Variants in HDAC1 observed in about 807,000 individuals in gnomAD.
The protein encoded by HDAC1 is protein deacetylase HDAC1.
HDAC1 carries 18 observed loss-of-function variants against 65.5 expected under a neutral mutation model. The ratio of observed to expected loss-of-function variants is 0.27; its 90% CI spans 0.19 to 0.41. The LOEUF (loss-of-function observed/expected upper bound fraction) is 0.41. Among genes scored for constraint, HDAC1 ranks in the 10% least tolerant of loss-of-function variants. The probability of loss-of-function intolerance (pLI) is 1.00; values close to 1 mark genes in which losing one functional copy is unlikely to be tolerated. For missense variants in HDAC1, 373 were observed against 625.2 expected, an observed-to-expected ratio of 0.60 and a Z score of 4.30; for synonymous variants, 211 against 227.9, an observed-to-expected ratio of 0.93 and a Z score of 0.67.
At chr1:32,315,592 A>G (rs1421628419) in intron 2 of HDAC1, among the ~76,000 whole-genome samples, 1 of 150,740 alleles carries the variant, frequency 6.6e-6, no homozygotes, top group Non-Finnish European at 1.5e-5. Flanking sequence ...ACCTCAGGTG[A>G]TCCACCCGCC....
At chr1:32,318,788 A>G (rs906640508) in intron 3 of HDAC1, among the ~76,000 whole-genome samples, 4 of 152,018 alleles carry the variant, frequency 2.6e-5, no homozygotes, top group East Asian at 1.9e-4. Context: ...TGGTGCGCCA[A>G]TTTTTCCGAA....
At chr1:32,292,930 T>A (rs1478549220) in intron 1 of HDAC1, among the ~76,000 whole-genome samples, 1 of 152,040 alleles carries the variant, frequency 6.6e-6, no homozygotes, top group Non-Finnish European at 1.5e-5. Context: ...GGGGACATCT[T>A]AGTTAGGACC....
At chr1:32,319,074 G>A (rs893656508) in intron 3 of HDAC1, among the ~76,000 whole-genome samples, 4 of 151,904 alleles carry the variant, frequency 2.6e-5, no homozygotes, top group Admixed American at 6.6e-5. Context: ...AGCCAAGATC[G>A]CGCCACTGCA....
rs568561958 is a variant in HDAC1, at chr1:32,303,802, C to T, written c.162+1069C>T. Among the ~76,000 whole-genome samples, 13 of 152,196 alleles carry T rather than the reference C, an allele frequency of 8.5e-5. No homozygotes were observed. In the East Asian group the frequency reaches 1.4e-3, roughly 16 times the overall value. On this transcript the variant is annotated intron_variant, in intron 2 of 13. Transcript: ENST00000373548. The stretch of plus-strand genomic sequence containing the variant: ...ACTTGAGCCTGGGAGGTCAAGGCTG[C>T]GGTGAGCTGTGATTGCACCACTGCA...
intron 13 of HDAC1, 67 bp downstream of exon 13, chr1:32,332,816 C>CT: frequency 7.1e-7 from 1 of 1,399,060 alleles, no homozygotes; most frequent in South Asian, 1.2e-5. Context: ...TCCCACCACT[C>CT]TGAGGAAAGG....
In HDAC1 at chr1:32,292,228, G is replaced by A; in HGVS notation, c.49+10G>A. On this transcript the variant is annotated intron_variant, in intron 1 of 13. Coordinates refer to ENST00000373548, the MANE Select transcript of HDAC1 (RefSeq NM_004964.3). ...TGTTACTACTACGACGGTGAGCACC[G>A]TCCTCGCGGCGGGGGCGGGGCCAGG... 6.5e-7 allele frequency: 1 copy of A among 1,548,586 alleles called. No homozygotes were observed. Among genetic ancestry groups the A allele is most frequent in the Non-Finnish European group, 8.7e-7 (1 of 1,146,262 alleles).
intron 2 of HDAC1, among the ~76,000 whole-genome samples, chr1:32,306,333 T>A (rs1640911464): frequency 6.6e-6 from 1 of 151,984 alleles, no homozygotes; most frequent in Admixed American, 6.6e-5. Flanking sequence ...TAATTTTGTA[T>A]TTTTGGTAGA....
intron 2 of HDAC1, among the ~76,000 whole-genome samples, chr1:32,313,340 C>T (rs968988573): frequency 1.3e-5 from 2 of 151,962 alleles, no homozygotes; most frequent in African/African-American, 2.4e-5. Flanking sequence ...GGTGAGCCAC[C>T]CACCTCGGCC....
At chr1:32,324,210 G>A (rs1325268098) in intron 3 of HDAC1, among the ~76,000 whole-genome samples, 1 of 151,978 alleles carries the variant, frequency 6.6e-6, no homozygotes, top group Admixed American at 6.6e-5. Flanking sequence ...GGAGGTGAGG[G>A]TCAAAGCTGC....
chr1:32,325,133 G>A (rs1182698218), intron 4 of HDAC1, among the ~76,000 whole-genome samples: 8 of 152,164 alleles, frequency 5.3e-5, no homozygotes, highest in African/African-American at 1.7e-4. Context: ...GATGCTGTAC[G>A]TAAAAGCAAT....
Position 32,329,141 on chromosome 1 carries a change from A to T in HDAC1, c.710A>T (p.Tyr237Phe), listed in dbSNP as rs771022207. 2.9e-5 allele frequency: 47 copies of T among 1,610,364 alleles called. No homozygotes were observed. The highest frequency in any genetic ancestry group is 5.5e-5 in the South Asian group (5 of 90,998). ...PLRDGIDDES[Y>F]EAIFKPVMSK... ...CGAGACGGGATTGATGACGAGTCCT[A>T]TGAGGCCATTTTCAAGCCGGTAAGT... Residue 237 changes from tyrosine to phenylalanine, a missense_variant, in exon 7 of 14, where the codon TAT (tyrosine) becomes TTT (phenylalanine). Physicochemically the swap from Tyr to Phe is conservative, Grantham distance 22 (BLOSUM62 3). Coordinates refer to ENST00000373548, the MANE Select transcript of HDAC1 (RefSeq NM_004964.3). The surrounding 1 kb of genome is among the most constrained non-coding windows in gnomAD (Gnocchi z 4.1).
rs71571709 is a variant in HDAC1 at position 32,297,777 on chromosome 1, A to ATTT, written c.50-4816_50-4814dup. On this transcript the variant is annotated intron_variant, in intron 1 of 13. Coordinates refer to ENST00000373548, the MANE Select transcript of HDAC1 (RefSeq NM_004964.3). ...AGGCGCATGACACTACGCCTGGCTA[A>ATTT]TTTTTTTTTTTTTTTTTTTTTTTTT... Among the ~76,000 whole-genome samples, 414 of 72,150 alleles carry ATTT rather than the reference A, an allele frequency of 5.7e-3. 55 individuals are homozygous for ATTT. Among genetic ancestry groups the ATTT allele is most frequent in the African/African-American group, 0.023 (374 of 16,086 alleles). The allele number at this position is 72,150 out of a possible 152,430, so 47.3% of individuals were successfully genotyped here.
intron 4 of HDAC1, among the ~76,000 whole-genome samples, chr1:32,326,208 T>C (rs1039769553): frequency 6.6e-6 from 1 of 151,596 alleles, no homozygotes; most frequent in African/African-American, 2.4e-5. Flanking sequence ...TCACCCAGGC[T>C]GGAGTGCAGT....
Position 32,333,137 on chromosome 1 carries a change from T to G in HDAC1, c.*93T>G. 1.0e-6 allele frequency: 1 copy of G among 1,004,974 alleles called. No homozygotes were observed. Among genetic ancestry groups the G allele is most frequent in the Non-Finnish European group, 1.5e-6 (1 of 686,038 alleles). The allele number at this position is 1,004,974 out of a possible 1,614,324, so 62.3% of individuals were successfully genotyped here. On this transcript the variant is annotated 3_prime_UTR_variant, in exon 14 of 14. Transcript: ENST00000373548. ...TATTTTCTATTTCTCTGTGTATTTATATAAAAATTTATTAAATATAAATAT... is the reference window on the plus strand; with the variant it reads ...TATTTTCTATTTCTCTGTGTATTTAGATAAAAATTTATTAAATATAAATAT...
rs745393126 is a variant in HDAC1, at chr1:32,331,465, C to A, written c.980-9C>A. 41 of 1,542,812 alleles carry A rather than the reference C, an allele frequency of 2.7e-5. 1 individual carries two copies. Among genetic ancestry groups the A allele is most frequent in the Non-Finnish European group, 3.3e-5 (37 of 1,115,316 alleles). ...GTCTCTTGACGGTCTTCTCTCCTGC[C>A]CCAATCAGAGCTTCCATACAATGAC... On this transcript the variant is annotated splice_polypyrimidine_tract_variant and intron_variant, in intron 9 of 13. Coordinates refer to ENST00000373548, the MANE Select transcript of HDAC1 (RefSeq NM_004964.3). This position sits in a 1 kb window ranked among gnomAD's most constrained non-coding sequence, Gnocchi z 4.2.
At position 32,327,766 on chromosome 1, in the gene HDAC1, T is replaced by C. The variant is rs72878753; in HGVS notation, c.636+89T>C. ...ATCTCATGCCACTAAAAATTGCTTC[T>C]TGCCTCTTCTGCCAATCAGAATACC... On this transcript the variant is annotated intron_variant, in intron 6 of 13. Coordinates refer to ENST00000373548, the MANE Select transcript of HDAC1 (RefSeq NM_004964.3). The surrounding 1 kb of genome is among the most constrained non-coding windows in gnomAD (Gnocchi z 6.0). 0.013 allele frequency: 14,803 copies of C among 1,165,438 alleles called. 1,296 individuals are homozygous for C. In the African/African-American group the frequency reaches 0.19, roughly 15 times the overall value. 72.2% of individuals were successfully genotyped at this position (1,165,438 alleles called of 1,614,324 possible). A position where few individuals can be genotyped will look rare whatever the true frequency, so the allele number is the denominator to read the frequency against.
chr1:32,323,399 T>A (rs900197888), intron 3 of HDAC1, among the ~76,000 whole-genome samples: 6 of 152,064 alleles, frequency 3.9e-5, no homozygotes, highest in Admixed American at 2.6e-4. Context: ...ACTTATTTAT[T>A]TATTTATTTT....
intron 4 of HDAC1, 89 bp from the exon 5 acceptor site, chr1:32,326,850 T>G (rs1570036907): frequency 5.6e-6 from 8 of 1,421,848 alleles, no homozygotes. Flanking sequence ...AATAGGCAGG[T>G]CTTAACCTTT....
At position 32,302,670 on chromosome 1, in the gene HDAC1, C is replaced by T. The variant is rs1399235606; in HGVS notation, c.99C>T (p.His33=). 8.1e-6 allele frequency: 13 copies of T among 1,608,804 alleles called. No homozygotes were observed. The highest frequency in any genetic ancestry group is 1.3e-5 in the African/African-American group (1 of 74,802). ...GACAAGGCCACCCAATGAAGCCTCA[C>T]CGAATCCGCATGACTCATAATTTGC... ...YYGQGHPMKP[H]RIRMTHNLLL... is the part of the protein sequence containing the mutation. The change falls in exon 2 of 14, where the codon CAC becomes CAT. Residue 33 remains histidine (H), a synonymous_variant. Coordinates refer to ENST00000373548, the MANE Select transcript of HDAC1 (RefSeq NM_004964.3).
Sources: gnomAD v4.1 joint callset for allele counts (sites outside exome capture counted in the v4.1 genomes callset) on GRCh38, gnomAD v4.1.1 for gene constraint, Gnocchi (gnomAD v3.1) non-coding constraint, MANE v1.5 for transcripts, NCBI Gene and HGNC (gene_info 2026-07-23, HGNC 2026-07-21) for gene names.